Variants in SEL1L3 observed in about 807,000 individuals in gnomAD.
SEL1L3 encodes SEL1L family member 3.
Under a neutral mutation model 142.8 loss-of-function variants are expected in SEL1L3, and 76 were observed. The observed-to-expected ratio is 0.53, with a 90% CI of 0.44 to 0.64. SEL1L3 has a LOEUF of 0.64. Ranked by LOEUF, SEL1L3 falls within the 30% of genes least tolerant of loss-of-function variation. SEL1L3 has a pLI of 0.00. For missense variants in SEL1L3, 1,262 were observed against 1,381.7 expected (o/e 0.91, Z 1.37); for synonymous variants, 504 against 519.6 (o/e 0.97, Z 0.41).
At chr4:25,840,153 C>T (rs988400929) in intron 2 of SEL1L3, among the ~76,000 whole-genome samples, 3 of 152,052 alleles carry the variant, frequency 2.0e-5, no homozygotes, top group African/African-American at 7.3e-5. Flanking sequence ...TACTGTCTTT[C>T]CCATGGTACT....
chr4:25,744,188 G>A (rs891965922), downstream of SEL1L3, among the ~76,000 whole-genome samples: 4 of 152,136 alleles, frequency 2.6e-5, no homozygotes, highest in African/African-American at 7.2e-5. Context: ...GCCTCCCATG[G>A]TGTAAGGGCT....
At chr4:25,715,287 T>C in the SEL1L3 span, among the ~76,000 whole-genome samples, 2 of 152,016 alleles carry the variant, frequency 1.3e-5, no homozygotes, top group Non-Finnish European at 2.9e-5. Context: ...GGTCCAGGAG[T>C]TGGAGACCAG....
At position 25,847,380 on chromosome 4, in the gene SEL1L3, T is replaced by C; in HGVS notation, c.647A>G (p.Lys216Arg). Residue 216 changes from lysine to arginine, a missense_variant, in exon 2 of 24, where the codon AAA (lysine) becomes AGA (arginine). Coordinates refer to ENST00000399878, the MANE Select transcript of SEL1L3 (RefSeq NM_015187.5). ...QTIPPFERPFKDHQVCLEWNM... is the reference protein window; with the variant it reads ...QTIPPFERPFRDHQVCLEWNM... Reference sequence around the variant, plus strand: ...CCACTCAAGGCACACTTGATGATCTTTGAAAGGGCGTTCAAAAGGCGGGAT... The same window carrying C: ...CCACTCAAGGCACACTTGATGATCTCTGAAAGGGCGTTCAAAAGGCGGGAT... 1.2e-6 allele frequency: 2 copies of C among 1,614,018 alleles called. No homozygotes were observed. The highest frequency in any genetic ancestry group is 1.1e-5 in the South Asian group (1 of 91,082).
chr4:25,748,631 C>T (rs1717397371), intron 23 of SEL1L3, 67 bp from the exon 24 acceptor site: 14 of 1,523,840 alleles, frequency 9.2e-6, no homozygotes, highest in South Asian at 1.2e-5. Flanking sequence ...TACAACCACA[C>T]CTAGAGACTC....
chr4:25,774,964 G>C (rs1719507416), intron 17 of SEL1L3, among the ~76,000 whole-genome samples: 1 of 152,186 alleles, frequency 6.6e-6, no homozygotes, highest in South Asian at 2.1e-4. Flanking sequence ...GTGTTTACAG[G>C]AGTGCTCTTC....
At chr4:25,739,343 C>T in the SEL1L3 span, among the ~76,000 whole-genome samples, 2 of 152,304 alleles carry the variant, frequency 1.3e-5, no homozygotes, top group Non-Finnish European at 1.5e-5. Context: ...CTACAATGTA[C>T]ACACAGCTTC....
At chr4:25,737,061 T>C in the SEL1L3 span, among the ~76,000 whole-genome samples, 1 of 152,058 alleles carries the variant, frequency 6.6e-6, no homozygotes, top group African/African-American at 2.4e-5. Flanking sequence ...CTCGGCTCAC[T>C]GCAACCTCCG....
intron 9 of SEL1L3, among the ~76,000 whole-genome samples, chr4:25,806,141 C>T (rs1407885942): frequency 1.3e-5 from 2 of 151,142 alleles, no homozygotes; most frequent in Non-Finnish European, 1.5e-5. Flanking sequence ...TGGGTTCACG[C>T]CATTCCCCTT....
At position 25,847,507 on chromosome 4, in the gene SEL1L3, G is replaced by C; in HGVS notation, c.520C>G (p.Arg174Gly). The C allele has an allele frequency of 6.2e-7, 1 of 1,613,794 alleles. No individual in the cohort carries two copies. Among genetic ancestry groups the C allele is most frequent in the South Asian group, 1.1e-5 (1 of 91,074 alleles). ...CTGTATTTGTGAGTAATCCAGGCGC[G>C]TACTATCACTGCAGATACAGAGATG... ...HSISVSAVIVRAWITHKYSGR... is the reference protein window; with the variant it reads ...HSISVSAVIVGAWITHKYSGR... Residue 174 changes from arginine to glycine, a missense_variant, in exon 2 of 24, where the codon CGC becomes GGC. This residue lies in a region of SEL1L3 where 689 missense variants were observed against 692.8 expected (regional missense o/e 0.99). Transcript: ENST00000399878.
the SEL1L3 span, among the ~76,000 whole-genome samples, chr4:25,723,599 G>A: frequency 6.6e-6 from 1 of 152,146 alleles, no homozygotes; most frequent in Non-Finnish European, 1.5e-5. Flanking sequence ...ATGCAATTGT[G>A]GTCATGTCAA....
intron 2 of SEL1L3, among the ~76,000 whole-genome samples, chr4:25,841,874 C>A (rs901173686): frequency 6.6e-6 from 1 of 152,064 alleles, no homozygotes; most frequent in African/African-American, 2.4e-5. Context: ...GCAGGAGAAT[C>A]GCATGAACCT....
At chr4:25,762,846 C>A (rs902440538) in intron 20 of SEL1L3, among the ~76,000 whole-genome samples, 1 of 151,914 alleles carries the variant, frequency 6.6e-6, no homozygotes, top group Non-Finnish European at 1.5e-5. Flanking sequence ...GGTGTGGTGG[C>A]GCGCCTGTAG....
At chr4:25,853,560 A>T (rs927579346) in intron 1 of SEL1L3, among the ~76,000 whole-genome samples, 9 of 152,064 alleles carry the variant, frequency 5.9e-5, no homozygotes, top group Admixed American at 5.9e-4. Flanking sequence ...GCTGCAAAAT[A>T]TCTCATTAAT....
In SEL1L3 at chr4:25,862,965, T is replaced by C. The variant is rs1577714771; in HGVS notation, c.-129A>G. On this transcript the variant is annotated 5_prime_UTR_variant, in exon 1 of 24. Transcript: ENST00000399878. ...GCGCGCGGGGCCACCTGCCGCCACCTCCGGACCCGCCGCCGCCGCCACTGC... is the reference window on the plus strand; with the variant it reads ...GCGCGCGGGGCCACCTGCCGCCACCCCCGGACCCGCCGCCGCCGCCACTGC... The C allele has an allele frequency of 2.0e-6, 1 of 505,738 alleles. No individual in the cohort carries two copies. Among genetic ancestry groups the C allele is most frequent in the South Asian group, 8.4e-5 (1 of 11,922 alleles). The allele number at this position is 505,738 out of a possible 1,614,324, so 31.3% of individuals were successfully genotyped here.
At chr4:25,719,862 T>G in the SEL1L3 span, 14 of 152,182 alleles carry the variant, frequency 9.2e-5, no homozygotes, top group African/African-American at 3.1e-4. Context: ...ATAGGTATTA[T>G]GGATGCTAGA....
At chr4:25,817,757 T>A (rs537440725) in intron 9 of SEL1L3, among the ~76,000 whole-genome samples, 71 of 152,246 alleles carry the variant, frequency 4.7e-4, no homozygotes, top group African/African-American at 1.0e-3. Context: ...TCTTTTTTTT[T>A]AAAAAGCTAG....
At position 25,747,574 on chromosome 4, in the gene SEL1L3, TCTAA is replaced by T. The variant is rs1273180654; in HGVS notation, c.*847_*850del. The T allele has an allele frequency of 5.5e-5, 8 of 144,472 alleles. No homozygotes were observed. Among genetic ancestry groups the T allele is most frequent in the Non-Finnish European group, 1.1e-4 (7 of 65,902 alleles). 8.9% of individuals were successfully genotyped at this position (144,472 alleles called of 1,614,324 possible). ...AGACATTCTGCTCTTCCTCTTCCTC[TCTAA>T]CACACACACACACACACACACACAC... On this transcript the variant is annotated 3_prime_UTR_variant, in exon 24 of 24. Coordinates refer to ENST00000399878, the MANE Select transcript of SEL1L3 (RefSeq NM_015187.5).
At chr4:25,811,382 A>G (rs1308067048) in intron 9 of SEL1L3, among the ~76,000 whole-genome samples, 2 of 152,214 alleles carry the variant, frequency 1.3e-5, no homozygotes, top group African/African-American at 4.8e-5. Context: ...GTCTACCGAG[A>G]AAGAGCAGCC....
chr4:25,763,768 G>A (rs1266640731), intron 20 of SEL1L3, among the ~76,000 whole-genome samples: 2 of 152,112 alleles, frequency 1.3e-5, no homozygotes, highest in Non-Finnish European at 2.9e-5. Flanking sequence ...TGAGCCTGGG[G>A]GACCAAGGCT....
Sources: gnomAD v4.1 joint callset for allele counts (sites outside exome capture counted in the v4.1 genomes callset) on GRCh38, gnomAD v4.1.1 for gene constraint, gnomAD v4.1.1 regional missense constraint, MANE v1.5 for transcripts, NCBI Gene and HGNC (gene_info 2026-07-23, HGNC 2026-07-21) for gene names.